Variants in USP6NL observed in about 807,000 individuals in gnomAD.
USP6NL encodes USP6 N-terminal like, also known as USP6 N-terminal-like protein.
Under a neutral mutation model 61.9 loss-of-function variants are expected in USP6NL, and 26 were observed. The observed-to-expected ratio is 0.42, with a 90% confidence interval of 0.31 to 0.58. The LOEUF is 0.58. Among genes scored for constraint, USP6NL ranks in the 20% least tolerant of loss-of-function variants. USP6NL has a pLI of 0.16. For synonymous variants in USP6NL, 432 were observed against 390.1 expected (o/e 1.11, Z -1.27); for missense variants, 1,114 against 1,034.3 (o/e 1.08, Z -1.06).
At chr10:11,507,495 C>A (rs1206812958) in intron 6 of USP6NL, among the ~76,000 whole-genome samples, 1 of 152,034 alleles carries the variant, frequency 6.6e-6, no homozygotes, top group African/African-American at 2.4e-5. Context: ...CTGATGAAAA[C>A]AAAGTAATAT....
rs1052362758 is a variant in USP6NL at position 11,596,318 on chromosome 10, G to A, written c.4+1313C>T. The stretch of plus-strand genomic sequence containing the variant: ...CTCACAAAATGTCATGATTGGAGCT[G>A]AAATAACAAAAGCTCTTTCTTGGCC... On this transcript the variant is annotated intron_variant, in intron 2 of 14. Transcript: ENST00000609104. This position sits in a 1 kb window ranked among gnomAD's most constrained non-coding sequence, Gnocchi z 4.1. 5.3e-5 allele frequency among the ~76,000 whole-genome samples: 8 copies of A among 152,256 alleles called. No individual in the cohort carries two copies. The highest frequency in any genetic ancestry group is 3.4e-3 in the Middle Eastern group (1 of 294).
Position 11,489,345 on chromosome 10 carries a change from TAGAGACAAATACTATACTCTTTAC to T in USP6NL, c.544-147_544-124del. On this transcript the variant is annotated intron_variant, in intron 9 of 14. Coordinates refer to ENST00000609104, the MANE Select transcript of USP6NL (RefSeq NM_014688.5). The surrounding 1 kb of genome is among the most constrained non-coding windows in gnomAD (Gnocchi z 5.7). ...ACACACATCATTTAATGGTCCATTCTAGAGACAAATACTATACTCTTTACAGTATTATGCCACATAAGAGAATAA... is the reference window on the plus strand; with the variant it reads ...ACACACATCATTTAATGGTCCATTCTAGTATTATGCCACATAAGAGAATAA... 1 of 1,259,394 alleles carries T rather than the reference TAGAGACAAATACTATACTCTTTAC, an allele frequency of 7.9e-7. No individual in the cohort carries two copies. The highest frequency in any genetic ancestry group is 1.7e-5 in the South Asian group (1 of 59,106). 78.0% of individuals were successfully genotyped at this position (1,259,394 alleles called of 1,614,324 possible).
rs1192672346 is a variant in USP6NL, at chr10:11,468,519, A to G, written c.1079-4670T>C. Among the ~76,000 whole-genome samples the G allele has an allele frequency of 6.6e-6, 1 of 152,218 alleles. No individual in the cohort carries two copies. Among genetic ancestry groups the G allele is most frequent in the African/African-American group, 2.4e-5 (1 of 41,450 alleles). ...CTTCCCCTAGTTCTCATTCAAATAC[A>G]CAGAGGCCCTTGGCTGGCGTTAGTT... On this transcript the variant is annotated intron_variant, in intron 14 of 14. Coordinates refer to ENST00000609104, the MANE Select transcript of USP6NL (RefSeq NM_014688.5). The surrounding 1 kb of genome is among the most constrained non-coding windows in gnomAD (Gnocchi z 4.5).
chr10:11,463,874 T>A lies in USP6NL; in HGVS notation c.1079-25A>T. ...CCTGAAAAGAAAGAGAAAGGCTAAG[T>A]AAGATAATACACGAGTAAACAGTAG... On this transcript the variant is annotated intron_variant, in intron 14 of 14. Coordinates refer to ENST00000609104, the MANE Select transcript of USP6NL (RefSeq NM_014688.5). The surrounding 1 kb of genome is among the most constrained non-coding windows in gnomAD (Gnocchi z 6.3). 6.9e-7 allele frequency: 1 copy of A among 1,455,476 alleles called. No homozygotes were observed. Among genetic ancestry groups the A allele is most frequent in the Non-Finnish European group, 9.1e-7 (1 of 1,101,916 alleles). 90.2% of individuals were successfully genotyped at this position (1,455,476 alleles called of 1,614,324 possible).
At chr10:11,475,052 A>G (rs1832910842) in intron 14 of USP6NL, among the ~76,000 whole-genome samples, 1 of 152,232 alleles carries the variant, frequency 6.6e-6, no homozygotes. Context: ...AAATCTGGCT[A>G]AATTGGCAGT....
At position 11,496,175 on chromosome 10, in the gene USP6NL, T is replaced by C. The variant is rs1161821731; in HGVS notation, c.385-2947A>G. Among the ~76,000 whole-genome samples, 1 of 152,192 alleles carries C rather than the reference T, an allele frequency of 6.6e-6. No homozygotes were observed. Among genetic ancestry groups the C allele is most frequent in the Non-Finnish European group, 1.5e-5 (1 of 68,034 alleles). ...TTTTCCCTAGTCCAGAGGCCCTCTG[T>C]TTCATCCTCGCCAAATAACAAACCT... On this transcript the variant is annotated intron_variant, in intron 7 of 14. Transcript: ENST00000609104. This position sits in a 1 kb window ranked among gnomAD's most constrained non-coding sequence, Gnocchi z 5.4.
In USP6NL at chr10:11,476,347, G is replaced by GTTCA. The variant is rs1832967010; in HGVS notation, c.1078+5422_1078+5423insTGAA. ...TTGGCTACAGAGACAAGTATTTGAG[G>GTTCA]TGAAGTATCCTGATGTCCTTATTTT... On this transcript the variant is annotated intron_variant, in intron 14 of 14. Coordinates refer to ENST00000609104, the MANE Select transcript of USP6NL (RefSeq NM_014688.5). This position sits in a 1 kb window ranked among gnomAD's most constrained non-coding sequence, Gnocchi z 4.3. Among the ~76,000 whole-genome samples the GTTCA allele has an allele frequency of 6.6e-6, 1 of 152,148 alleles. No homozygotes were observed. The highest frequency in any genetic ancestry group is 2.4e-5 in the African/African-American group (1 of 41,420).
intron 7 of USP6NL, among the ~76,000 whole-genome samples, chr10:11,498,951 A>G (rs140448980): frequency 1.3e-5 from 2 of 152,346 alleles, no homozygotes; most frequent in African/African-American, 4.8e-5. Flanking sequence ...AGAAGAAAAG[A>G]TTCTTGCCAC....
intron 10 of USP6NL, among the ~76,000 whole-genome samples, chr10:11,488,901 C>CA (rs2133254664): frequency 6.6e-6 from 1 of 151,944 alleles, no homozygotes; most frequent in South Asian, 2.1e-4. Flanking sequence ...GGAGTAAAGA[C>CA]AAAGGAAAAT....
chr10:11,468,198 C>T lies in USP6NL; in HGVS notation c.1079-4349G>A, dbSNP rs1832561672. On this transcript the variant is annotated intron_variant, in intron 14 of 14. Transcript: ENST00000609104. The surrounding 1 kb of genome is among the most constrained non-coding windows in gnomAD (Gnocchi z 4.5). ...ATCATGTTTACTTGTCTGTGATTTA[C>T]ATTATTCAACTTTAATCCTCTGTAA... Among the ~76,000 whole-genome samples, 2 of 152,160 alleles carry T rather than the reference C, an allele frequency of 1.3e-5. No homozygotes were observed. The highest frequency in any genetic ancestry group is 2.4e-5 in the African/African-American group (1 of 41,450).
At chr10:11,514,068 T>C (rs1834847695) in intron 5 of USP6NL, among the ~76,000 whole-genome samples, 1 of 152,228 alleles carries the variant, frequency 6.6e-6, no homozygotes, top group South Asian at 2.1e-4. Context: ...TACAGTTTCA[T>C]CATTCAGTAA....
At chr10:11,486,862 GC>G (rs539798031) in intron 10 of USP6NL, among the ~76,000 whole-genome samples, 29 of 152,188 alleles carry the variant, frequency 1.9e-4, no homozygotes, top group African/African-American at 7.0e-4. Flanking sequence ...AAAGTCTGCT[GC>G]CCCAAAATGA....
rs1343404732 is a variant in USP6NL, at chr10:11,485,720, T to C, written c.759+97A>G. ...ATAGTAAATGAAATGGATGACACTA[T>C]AAATTAATAAGGTAATTGGACCAAA... On this transcript the variant is annotated intron_variant, in intron 11 of 14. Transcript: ENST00000609104. This position sits in a 1 kb window ranked among gnomAD's most constrained non-coding sequence, Gnocchi z 4.8. 15 of 765,516 alleles carry C rather than the reference T, an allele frequency of 2.0e-5. No homozygotes were observed. The highest frequency in any genetic ancestry group is 3.2e-5 in the Non-Finnish European group (15 of 475,238). 47.4% of individuals were successfully genotyped at this position (765,516 alleles called of 1,614,324 possible).
intron 2 of USP6NL, among the ~76,000 whole-genome samples, chr10:11,571,087 CT>C (rs34320297): frequency 1.4e-3 from 206 of 145,426 alleles, no homozygotes; most frequent in Middle Eastern, 3.5e-3. Context: ...CAAAATAATT[CT>C]TTTTTTTTTT....
intron 4 of USP6NL, among the ~76,000 whole-genome samples, chr10:11,521,749 G>A (rs548954355): frequency 6.6e-6 from 1 of 152,344 alleles, no homozygotes; most frequent in Non-Finnish European, 1.5e-5. Context: ...TACAGTCACA[G>A]TAAACTACAG....
At chr10:11,584,066 T>C (rs1837885071) in intron 2 of USP6NL, among the ~76,000 whole-genome samples, 2 of 151,734 alleles carry the variant, frequency 1.3e-5, no homozygotes. Context: ...TAACACAAAA[T>C]TAGCTGGGTG....
At chr10:11,571,341 C>A (rs2133571636) in intron 2 of USP6NL, among the ~76,000 whole-genome samples, 1 of 152,264 alleles carries the variant, frequency 6.6e-6, no homozygotes, top group Admixed American at 6.5e-5. Context: ...CCACCTCGGC[C>A]TCCCAAAGTG....
chr10:11,480,452 A>G (rs1264930151), intron 14 of USP6NL, among the ~76,000 whole-genome samples: 1 of 152,236 alleles, frequency 6.6e-6, no homozygotes, highest in Non-Finnish European at 1.5e-5. Flanking sequence ...AAATGATAGT[A>G]GAATAAAATA....
In USP6NL at chr10:11,601,921, T is replaced by C. The variant is rs144628379; in HGVS notation, c.-83-4204A>G. Among the ~76,000 whole-genome samples the C allele has an allele frequency of 1.4e-4, 22 of 152,316 alleles. No individual in the cohort carries two copies. The East Asian group carries it at 3.9e-3, about 27-fold the overall frequency. On this transcript the variant is annotated intron_variant, in intron 1 of 14. Transcript: ENST00000609104. ...CAGCTGTATAATCCCAGCTCATTTT[T>C]TCACAGAAATTCCTAGATCCTGTTT...
Sources: allele counts gnomAD v4.1 joint callset (sites outside exome capture counted in the v4.1 genomes callset), GRCh38; gene constraint gnomAD v4.1.1; non-coding constraint Gnocchi (gnomAD v3.1); transcripts MANE v1.5; gene names NCBI Gene and HGNC (gene_info 2026-07-23, HGNC 2026-07-21).